Variants in CBX5 observed in about 807,000 individuals in gnomAD.
CBX5 encodes the protein chromobox protein homolog 5.
CBX5 carries 7 observed loss-of-function variants against 20.7 expected under a neutral mutation model. The observed-to-expected ratio is 0.34, with a 90% confidence interval of 0.19 to 0.63. The LOEUF (loss-of-function observed/expected upper bound fraction) is 0.63, where lower values mean the gene tolerates loss of function less well. Among genes scored for constraint, CBX5 ranks in the 30% least tolerant of loss-of-function variants. The pLI, the probability that CBX5 is intolerant of heterozygous loss-of-function variation, is 0.75. For missense variants in CBX5, 110 were observed against 224.1 expected (o/e 0.49, Z 3.25); for synonymous variants, 78 against 77.0 (o/e 1.01, Z -0.07).
chr12:54,260,652 C>T (rs1462590535), intron 1 of CBX5, among the ~76,000 whole-genome samples: 2 of 151,940 alleles, frequency 1.3e-5, no homozygotes, highest in Non-Finnish European at 2.9e-5. Context: ...AATAATTATT[C>T]ATCACCTGAT....
At position 54,257,789 on chromosome 12, in the gene CBX5, C is replaced by A. The variant is rs1226056664; in HGVS notation, c.-42-97G>T. The A allele has an allele frequency of 6.3e-6, 5 of 798,236 alleles. No homozygotes were observed. In the Admixed American group the frequency reaches 1.3e-4, roughly 21 times the overall value. The allele number at this position is 798,236 out of a possible 1,614,324, so 49.4% of individuals were successfully genotyped here. On this transcript the variant is annotated intron_variant, in intron 1 of 4. Transcript: ENST00000209875. ...TGAAAAGGGGATAACACTGAGTTGC[C>A]ATGTGCCCTGCTCTTGAGTCTCAAA...
intron 3 of CBX5, 29 bp downstream of exon 3, chr12:54,252,012 T>A: frequency 6.6e-7 from 1 of 1,517,508 alleles, no homozygotes; most frequent in Non-Finnish European, 8.8e-7. Flanking sequence ...AAAAGAATAG[T>A]TTTTGGGGAA....
chr12:54,279,885 C>T (rs1456759169), intron 1 of CBX5, 123 bp downstream of exon 1: 1 of 152,718 alleles, frequency 6.5e-6, no homozygotes, highest in African/African-American at 2.4e-5. Context: ...ATTGGTTGGC[C>T]CGACCCACCG....
intron 3 of CBX5, among the ~76,000 whole-genome samples, chr12:54,249,892 C>A (rs972725262): frequency 6.6e-6 from 1 of 151,928 alleles, no homozygotes; most frequent in Non-Finnish European, 1.5e-5. Context: ...AATAATAGAT[C>A]AAGAGAATAT....
At chr12:54,274,865 G>A (rs768724285) in intron 1 of CBX5, among the ~76,000 whole-genome samples, 12 of 152,064 alleles carry the variant, frequency 7.9e-5, no homozygotes, top group African/African-American at 1.9e-4. Context: ...GCTTGAATCC[G>A]GGAGGCAGAG....
chr12:54,253,481 T>C (rs1014151787), intron 2 of CBX5, among the ~76,000 whole-genome samples: 34 of 152,020 alleles, frequency 2.2e-4, no homozygotes, highest in African/African-American at 8.2e-4. Context: ...ATCTCAGCAC[T>C]TTGGGAGGCT....
chr12:54,274,570 A>T (rs1944042051), intron 1 of CBX5, among the ~76,000 whole-genome samples: 2 of 152,242 alleles, frequency 1.3e-5, no homozygotes, highest in Admixed American at 1.3e-4. Context: ...AATAAAGACT[A>T]GAAATGCTTT....
chr12:54,234,693 G>T lies in CBX5; in HGVS notation c.*7062C>A, dbSNP rs1352490816. 6.6e-6 allele frequency: 1 copy of T among 152,178 alleles called. No individual in the cohort carries two copies. The highest frequency in any genetic ancestry group is 1.5e-5 in the Non-Finnish European group (1 of 68,040). The allele number at this position is 152,178 out of a possible 1,614,324, so 9.4% of individuals were successfully genotyped here. On this transcript the variant is annotated 3_prime_UTR_variant, in exon 5 of 5. Transcript: ENST00000209875. ...TTGTCAGCTTTTGCCTCCAGTGCAGGATTCATTCCCTTCCCCACTGCCTTG... is the reference window on the plus strand; with the variant it reads ...TTGTCAGCTTTTGCCTCCAGTGCAGTATTCATTCCCTTCCCCACTGCCTTG...
At chr12:54,269,513 C>G (rs942192860) in intron 1 of CBX5, among the ~76,000 whole-genome samples, 4 of 151,914 alleles carry the variant, frequency 2.6e-5, no homozygotes, top group Admixed American at 6.6e-5. Flanking sequence ...CTCAGCCTCC[C>G]GAGTAGCTGG....
chr12:54,242,851 G>T (rs982615374), intron 4 of CBX5, among the ~76,000 whole-genome samples: 4 of 151,414 alleles, frequency 2.6e-5, no homozygotes, highest in Non-Finnish European at 4.4e-5. Flanking sequence ...AAGCTCAGGT[G>T]CAGCAGCTCA....
At position 54,257,621 on chromosome 12, in the gene CBX5, G is replaced by A. The variant is rs367908119; in HGVS notation, c.30C>T (p.Asp10=). 2.5e-6 allele frequency: 4 copies of A among 1,614,106 alleles called. No homozygotes were observed. The highest frequency in any genetic ancestry group is 1.3e-5 in the African/African-American group (1 of 74,932). MGKKTKRTA[D]SSSSEDEEEY... ...CCTCCTCATCCTCTGAAGAAGAACT[G>A]TCAGCTGTCCGCTTGGTTTTCTTTC... is the stretch of plus-strand genomic sequence containing the variant. The change falls in exon 2 of 5, where the codon GAC becomes GAT. Residue 10 remains aspartate, a synonymous_variant. Coordinates refer to ENST00000209875, the MANE Select transcript of CBX5 (RefSeq NM_012117.3).
Position 54,241,032 on chromosome 12 carries a change from A to G in CBX5, c.*723T>C, listed in dbSNP as rs905873751. 1 of 152,256 alleles carries G rather than the reference A, an allele frequency of 6.6e-6. No homozygotes were observed. The highest frequency in any genetic ancestry group is 1.9e-4 in the East Asian group (1 of 5,206). 9.4% of individuals were successfully genotyped at this position (152,256 alleles called of 1,614,324 possible). A position where few individuals can be genotyped will look rare whatever the true frequency, so the allele number is the denominator to read the frequency against. ...TGTCATTTTATCACAAATTGATATC[A>G]CTTTACAGAAGCAGAAGTGGGGAGT... On this transcript the variant is annotated 3_prime_UTR_variant, in exon 5 of 5. Coordinates refer to ENST00000209875, the MANE Select transcript of CBX5 (RefSeq NM_012117.3).
At chr12:54,248,304 GA>G (rs1303779424) in intron 3 of CBX5, among the ~76,000 whole-genome samples, 8 of 152,098 alleles carry the variant, frequency 5.3e-5, no homozygotes, top group Non-Finnish European at 1.0e-4. Flanking sequence ...TAGGTAATTT[GA>G]AAAAACTTTA....
At chr12:54,261,800 G>A (rs893048778) in intron 1 of CBX5, among the ~76,000 whole-genome samples, 14 of 152,022 alleles carry the variant, frequency 9.2e-5, no homozygotes, top group African/African-American at 1.7e-4. Flanking sequence ...ATCTAACCCC[G>A]GCATCATTTA....
chr12:54,272,291 C>T (rs1944017896), intron 1 of CBX5: 1 of 152,118 alleles, frequency 6.6e-6, no homozygotes, highest in African/African-American at 2.4e-5. Context: ...TGTTATAAAA[C>T]CTGATCTTGA....
At position 54,232,848 on chromosome 12, in the gene CBX5, A is replaced by T. The variant is rs1943582122; in HGVS notation, c.*8907T>A. The T allele has an allele frequency of 6.6e-6, 1 of 152,144 alleles. No individual in the cohort carries two copies. The highest frequency in any genetic ancestry group is 1.5e-5 in the Non-Finnish European group (1 of 68,014). The allele number at this position is 152,144 out of a possible 1,614,324, so 9.4% of individuals were successfully genotyped here. On this transcript the variant is annotated 3_prime_UTR_variant, in exon 5 of 5. Transcript: ENST00000209875. ...AAAGAAATATTCACTTTATCTTAGG[A>T]GGTGAAGGACTAAGTCACACTGATT...
Position 54,233,143 on chromosome 12 carries a change from T to C in CBX5, c.*8612A>G, listed in dbSNP as rs926062813. 1.4e-4 allele frequency: 21 copies of C among 152,086 alleles called. No homozygotes were observed. The highest frequency in any genetic ancestry group is 1.2e-3 in the Admixed American group (19 of 15,254). 9.4% of individuals were successfully genotyped at this position (152,086 alleles called of 1,614,324 possible). A position where few individuals can be genotyped will look rare whatever the true frequency, so the allele number is the denominator to read the frequency against. On this transcript the variant is annotated 3_prime_UTR_variant, in exon 5 of 5. Transcript: ENST00000209875. Reference sequence around the variant, plus strand: ...GAGTTACAGCATCTTCAAAAACACCTCAAGGGTAAGGATACAAATGGTGAC... The same window carrying C: ...GAGTTACAGCATCTTCAAAAACACCCCAAGGGTAAGGATACAAATGGTGAC...
intron 3 of CBX5, among the ~76,000 whole-genome samples, chr12:54,250,108 A>G (rs1195092699): frequency 1.3e-5 from 2 of 152,118 alleles, no homozygotes; most frequent in East Asian, 3.9e-4. Flanking sequence ...TGTAATCCCA[A>G]CTACTCTGGA....
intron 3 of CBX5, among the ~76,000 whole-genome samples, chr12:54,247,103 A>C (rs1236920756): frequency 2.6e-5 from 4 of 152,208 alleles, no homozygotes; most frequent in Admixed American, 2.6e-4. Flanking sequence ...TTAAATAGCA[A>C]AATTTCAGAG....
Sources: gnomAD v4.1 joint callset for allele counts (sites outside exome capture counted in the v4.1 genomes callset) on GRCh38, gnomAD v4.1.1 for gene constraint, MANE v1.5 for transcripts, NCBI Gene and HGNC (gene_info 2026-07-23, HGNC 2026-07-21) for gene names.